Variants in DLG2 observed in about 807,000 individuals in gnomAD.
The protein encoded by DLG2 is disks large homolog 2.
DLG2 carries 45 observed loss-of-function variants against 132.5 expected under a neutral mutation model. That is an observed-to-expected ratio of 0.34 (90% CI 0.27 to 0.44). The LOEUF (loss-of-function observed/expected upper bound fraction) is 0.44. Ranked by LOEUF, DLG2 falls within the 20% of genes least tolerant of loss-of-function variation. DLG2 has a pLI of 1.00. For missense variants in DLG2, 1,045 were observed against 1,196.9 expected, an observed-to-expected ratio of 0.87 and a Z score of 1.87; for synonymous variants, 424 against 419.6, an observed-to-expected ratio of 1.01 and a Z score of -0.13.
intron 3 of DLG2, among the ~76,000 whole-genome samples, chr11:85,398,290 G>A (rs1047884044): frequency 1.3e-5 from 2 of 152,138 alleles, no homozygotes; most frequent in African/African-American, 4.8e-5. Context: ...TTTGAAGAGG[G>A]AAATTTATAG....
rs182365544 is a variant in DLG2 at position 83,524,787 on chromosome 11, C to A, written c.2193+7921G>T. On this transcript the variant is annotated intron_variant, in intron 21 of 27. Transcript: ENST00000376104. ...AGCACACCGGGCTGTTTCCTGATTTCTGCCAACAACACTCTTTTCATCTTT... is the reference window on the plus strand; with the variant it reads ...AGCACACCGGGCTGTTTCCTGATTTATGCCAACAACACTCTTTTCATCTTT... Among the ~76,000 whole-genome samples, 383 of 152,244 alleles carry A rather than the reference C, an allele frequency of 2.5e-3. 3 individuals are homozygous for A. Among genetic ancestry groups the A allele is most frequent in the Non-Finnish European group, 1.8e-3 (122 of 68,012 alleles).
At chr11:83,607,774 C>T (rs1288283345) in intron 19 of DLG2, among the ~76,000 whole-genome samples, 2 of 152,200 alleles carry the variant, frequency 1.3e-5, no homozygotes, top group East Asian at 3.9e-4. Flanking sequence ...TGGAATAATA[C>T]ATAAAGTAAT....
intron 6 of DLG2, among the ~76,000 whole-genome samples, chr11:84,561,977 T>A (rs980746009): frequency 1.3e-5 from 2 of 152,198 alleles, no homozygotes; most frequent in East Asian, 3.9e-4. Flanking sequence ...TTTATACTTA[T>A]CAAAATGTGA....
At chr11:85,297,704 A>T (rs556045355) in intron 3 of DLG2, among the ~76,000 whole-genome samples, 82 of 151,954 alleles carry the variant, frequency 5.4e-4, no homozygotes, top group African/African-American at 1.9e-3. Context: ...AGCAAGGTCT[A>T]CTCTGGTGGT....
chr11:85,388,534 C>A (rs1257843445), intron 3 of DLG2, among the ~76,000 whole-genome samples: 1 of 152,118 alleles, frequency 6.6e-6, no homozygotes, highest in Non-Finnish European at 1.5e-5. Flanking sequence ...GGCTGGAGGT[C>A]AAGCACCACA....
chr11:85,422,563 G>A lies in DLG2; in HGVS notation c.41-137198C>T, dbSNP rs955660909. Among the ~76,000 whole-genome samples, 25 of 151,180 alleles carry A rather than the reference G, an allele frequency of 1.7e-4. 1 individual carries two copies. The highest frequency in any genetic ancestry group is 4.4e-4 in the African/African-American group (18 of 41,172). ...TTTTTTTTGGTGGGGGGGATTTGTCGGGGTTTCTTTGTTTCTTTGTTTTTT... is the reference window on the plus strand; with the variant it reads ...TTTTTTTTGGTGGGGGGGATTTGTCAGGGTTTCTTTGTTTCTTTGTTTTTT... On this transcript the variant is annotated intron_variant, in intron 3 of 27. Coordinates refer to ENST00000376104, the MANE Select transcript of DLG2 (RefSeq NM_001142699.3).
chr11:85,269,681 A>G (rs2077407591), intron 4 of DLG2, among the ~76,000 whole-genome samples: 1 of 152,190 alleles, frequency 6.6e-6, no homozygotes, highest in Non-Finnish European at 1.5e-5. Context: ...GCCAGTAGCA[A>G]GCATAATCGT....
At chr11:85,249,240 G>T (rs1372151999) in intron 4 of DLG2, among the ~76,000 whole-genome samples, 2 of 151,856 alleles carry the variant, frequency 1.3e-5, no homozygotes, top group African/African-American at 4.8e-5. Context: ...TTTGCCATTA[G>T]ATTGGAAACT....
chr11:85,257,643 T>C (rs2076735664), intron 4 of DLG2, among the ~76,000 whole-genome samples: 1 of 152,180 alleles, frequency 6.6e-6, no homozygotes, highest in African/African-American at 2.4e-5. Context: ...GTCCAAGAAA[T>C]GATCACTGAA....
chr11:85,347,214 C>T (rs1179864770), intron 3 of DLG2, among the ~76,000 whole-genome samples: 1 of 151,994 alleles, frequency 6.6e-6, no homozygotes, highest in Non-Finnish European at 1.5e-5. Context: ...AACCGAAAGG[C>T]CTCAGAAATT....
intron 7 of DLG2, among the ~76,000 whole-genome samples, chr11:84,364,561 G>C (rs1327049065): frequency 6.6e-6 from 1 of 152,160 alleles, no homozygotes; most frequent in Non-Finnish European, 1.5e-5. Flanking sequence ...AATAGGAGTG[G>C]TGAGAGAGGA....
At chr11:84,787,562 T>C (rs2073124347) in intron 6 of DLG2, among the ~76,000 whole-genome samples, 1 of 152,296 alleles carries the variant, frequency 6.6e-6, no homozygotes. Flanking sequence ...TTACCCAATA[T>C]ATATCTCTAC....
rs577703148 is a variant in DLG2, at chr11:85,429,071, A to G, written c.41-143706T>C. 4.8e-4 allele frequency among the ~76,000 whole-genome samples: 73 copies of G among 152,298 alleles called. 2 individuals carry two copies. Among genetic ancestry groups the G allele is most frequent in the African/African-American group, 1.6e-3 (67 of 41,578 alleles). ...TCAACACATACACCCTCCCAAGACTAAACTAGGAAGAACTTGAATCTCTCA... is the reference window on the plus strand; with the variant it reads ...TCAACACATACACCCTCCCAAGACTGAACTAGGAAGAACTTGAATCTCTCA... On this transcript the variant is annotated intron_variant, in intron 3 of 27. Transcript: ENST00000376104.
intron 3 of DLG2, among the ~76,000 whole-genome samples, chr11:85,346,417 T>C (rs556279768): frequency 6.6e-6 from 1 of 152,222 alleles, no homozygotes; most frequent in South Asian, 2.1e-4. Flanking sequence ...CTTGATCTCC[T>C]GACCTCGTGA....
At position 84,365,416 on chromosome 11, in the gene DLG2, G is replaced by T. The variant is rs183356329; in HGVS notation, c.520-114125C>A. On this transcript the variant is annotated intron_variant, in intron 7 of 27. Transcript: ENST00000376104. ...ATTCTTCTCTCTTTTTTTTTAATTA[G>T]TCTTGCTAGCGGTCTATCAATTTTG... is the stretch of plus-strand genomic sequence containing the variant. 2.3e-3 allele frequency among the ~76,000 whole-genome samples: 340 copies of T among 149,910 alleles called. 1 individual carries two copies. The highest frequency in any genetic ancestry group is 8.0e-3 in the African/African-American group (327 of 40,696).
chr11:84,755,849 G>A (rs540570567), intron 6 of DLG2, among the ~76,000 whole-genome samples: 1 of 152,310 alleles, frequency 6.6e-6, no homozygotes, highest in South Asian at 2.1e-4. Flanking sequence ...CACTTTTAGT[G>A]TGAGAATTAG....
At chr11:84,194,629 T>A (rs1442282212) in intron 8 of DLG2, among the ~76,000 whole-genome samples, 1 of 152,166 alleles carries the variant, frequency 6.6e-6, no homozygotes, top group East Asian at 1.9e-4. Context: ...GCATTTACAA[T>A]CCCTGAGCTA....
At chr11:84,669,263 A>C (rs1437255023) in intron 6 of DLG2, among the ~76,000 whole-genome samples, 1 of 152,100 alleles carries the variant, frequency 6.6e-6, no homozygotes. Context: ...TGTATTTGAG[A>C]AATGGCAAGG....
chr11:85,142,150 T>C (rs1380890630), intron 5 of DLG2, among the ~76,000 whole-genome samples: 2 of 151,760 alleles, frequency 1.3e-5, no homozygotes, highest in Non-Finnish European at 1.5e-5. Flanking sequence ...CTTTCAGCAG[T>C]ATGAACACTT....
Sources: allele counts gnomAD v4.1 joint callset (sites outside exome capture counted in the v4.1 genomes callset), GRCh38; gene constraint gnomAD v4.1.1; transcripts MANE v1.5; gene names NCBI Gene and HGNC (gene_info 2026-07-23, HGNC 2026-07-21).